RBM47: variants seen among roughly 807,000 people sequenced by gnomAD.
RBM47 encodes RNA-binding protein 47.
A neutral mutation model predicts 47.1 loss-of-function variants in RBM47; 21 were observed. The ratio of observed to expected loss-of-function variants is 0.45; its 90% confidence interval spans 0.32 to 0.64. The LOEUF is 0.64. Among genes scored for constraint, RBM47 ranks in the 30% least tolerant of loss-of-function variants. The probability of loss-of-function intolerance (pLI) is 0.05; values close to 1 mark genes in which losing one functional copy is unlikely to be tolerated. For synonymous variants in RBM47, 375 were observed against 361.7 expected (o/e 1.04, Z -0.42); for missense variants, 708 against 870.9 (o/e 0.81, Z 2.35).
At chr4:40,620,218 A>C (rs1434182748) in intron 1 of RBM47, among the ~76,000 whole-genome samples, 3 of 140,892 alleles carry the variant, frequency 2.1e-5, no homozygotes, top group Non-Finnish European at 3.1e-5. Context: ...AAAAAAAAAA[A>C]AACTCTGGGC....
intron 1 of RBM47, among the ~76,000 whole-genome samples, chr4:40,548,346 G>GA (rs1349780422): frequency 2.6e-5 from 4 of 152,210 alleles, no homozygotes; most frequent in Non-Finnish European, 5.9e-5. Flanking sequence ...GGGCAGGGGA[G>GA]AGCAACAGGA....
At chr4:40,533,438 GAAAA>G (rs1299731307) in intron 2 of RBM47, among the ~76,000 whole-genome samples, 1 of 62,072 alleles carries the variant, frequency 1.6e-5, no homozygotes, top group Non-Finnish European at 3.5e-5. Context: ...TGTCTCAAAA[GAAAA>G]AAAAAAAAAA....
At chr4:40,499,958 T>G (rs1053488955) in intron 2 of RBM47, among the ~76,000 whole-genome samples, 2 of 152,248 alleles carry the variant, frequency 1.3e-5, no homozygotes, top group Admixed American at 6.5e-5. Flanking sequence ...AAAACACCTT[T>G]GTATTTGGGG....
In RBM47 at chr4:40,490,249, C is replaced by T. The variant is rs1257657433; in HGVS notation, c.-154-23550G>A. 2.0e-5 allele frequency among the ~76,000 whole-genome samples: 3 copies of T among 150,782 alleles called. 1 individual carries two copies. Among genetic ancestry groups the T allele is most frequent in the Admixed American group, 2.0e-4 (3 of 15,106 alleles). On this transcript the variant is annotated intron_variant, in intron 2 of 6. Transcript: ENST00000295971. The stretch of plus-strand genomic sequence containing the variant: ...TTTGCACTCTCTCAACTTCTATATG[C>T]AACATTGTACTTGTTTCTAGCCAGG...
chr4:40,572,812 C>G (rs921178978), intron 1 of RBM47, among the ~76,000 whole-genome samples: 1 of 151,710 alleles, frequency 6.6e-6, no homozygotes, highest in Non-Finnish European at 1.5e-5. Flanking sequence ...TGTGAGCCTC[C>G]TTGTTTATTC....
At chr4:40,511,659 G>A (rs1724943533) in intron 2 of RBM47, among the ~76,000 whole-genome samples, 1 of 152,138 alleles carries the variant, frequency 6.6e-6, no homozygotes, top group African/African-American at 2.4e-5. Flanking sequence ...AATTCCTCAT[G>A]GAAATACTAA....
chr4:40,604,908 G>T (rs1232274974), intron 1 of RBM47, among the ~76,000 whole-genome samples: 1 of 152,044 alleles, frequency 6.6e-6, no homozygotes, highest in African/African-American at 2.4e-5. Flanking sequence ...GTAGAGACGG[G>T]GTTTCACCAT....
intron 5 of RBM47, 152 bp from the exon 6 acceptor site, chr4:40,433,014 G>A (rs1711593248): frequency 1.7e-6 from 2 of 1,171,592 alleles, no homozygotes; most frequent in African/African-American, 1.6e-5. Context: ...AGGCTGGAAT[G>A]CAGTGGTGCG....
At chr4:40,481,486 A>ATTATTT (rs781338110) in intron 2 of RBM47, among the ~76,000 whole-genome samples, 14 of 106,814 alleles carry the variant, frequency 1.3e-4, no homozygotes, top group Admixed American at 1.9e-4. Flanking sequence ...TATTATTATT[A>ATTATTT]TTTTTATTTT....
intron 3 of RBM47, among the ~76,000 whole-genome samples, chr4:40,440,086 T>A (rs1713390577): frequency 6.6e-6 from 1 of 152,220 alleles, no homozygotes; most frequent in South Asian, 2.1e-4. Context: ...ATAAGATTAT[T>A]ACGATGAGCT....
At position 40,432,764 on chromosome 4, in the gene RBM47, T is replaced by C. The variant is rs535470903; in HGVS notation, c.1429A>G (p.Ile477Val). ...DGKIHTVEHM[I>V]SPIAVQPDPA... ...TCTGGCTGCACAGCAATGGGGCTGA[T>C]CATGTGCTCCACTGTGTGGATTTTG... is the stretch of plus-strand genomic sequence containing the variant. Residue 477 changes from isoleucine (I) to valine (V), a missense_variant, in exon 6 of 7, where the codon ATC becomes GTC. By Grantham distance (29) the Ile-to-Val change is conservative. Transcript: ENST00000295971. The C allele has an allele frequency of 1.8e-4, 288 of 1,613,428 alleles. 2 individuals are homozygous for C. The South Asian group carries it at 3.0e-3, about 17-fold the overall frequency.
chr4:40,481,629 G>A lies in RBM47; in HGVS notation c.-154-14930C>T, dbSNP rs548717063. On this transcript the variant is annotated intron_variant, in intron 2 of 6. Coordinates refer to ENST00000295971, the MANE Select transcript of RBM47 (RefSeq NM_001098634.2). ...TGCAGTGGCATGATCTCAGCTCACT[G>A]CAACCTCTGCCTCCCAGGTTCAAGC... Among the ~76,000 whole-genome samples, 26 of 150,206 alleles carry A rather than the reference G, an allele frequency of 1.7e-4. No individual in the cohort carries two copies. In the East Asian group the frequency reaches 5.1e-3, roughly 29 times the overall value.
intron 1 of RBM47, among the ~76,000 whole-genome samples, chr4:40,562,414 G>A (rs1488512872): frequency 6.6e-6 from 1 of 151,900 alleles, no homozygotes; most frequent in Non-Finnish European, 1.5e-5. Flanking sequence ...AGACTAAGGA[G>A]GCGGGTGTCA....
At chr4:40,493,644 C>T (rs769960795) in intron 2 of RBM47, among the ~76,000 whole-genome samples, 3 of 151,820 alleles carry the variant, frequency 2.0e-5, no homozygotes, top group Admixed American at 6.6e-5. Context: ...ATTAGCCAGG[C>T]GTGGTGGTGG....
At chr4:40,605,819 G>A (rs1237141449) in intron 1 of RBM47, among the ~76,000 whole-genome samples, 3 of 150,348 alleles carry the variant, frequency 2.0e-5, no homozygotes, top group Non-Finnish European at 3.0e-5. Flanking sequence ...CAAGGGGAGC[G>A]AGACTCCATC....
At chr4:40,575,552 C>CAAAAAAAAAAAAAAAAAAAAAAAAAAAAA in intron 1 of RBM47, among the ~76,000 whole-genome samples, 1 of 98,364 alleles carries the variant, frequency 1.0e-5, no homozygotes, top group Non-Finnish European at 2.2e-5. Flanking sequence ...AACTCCATCT[C>CAAAAAAAAAAAAAAAAAAAAAAAAAAAAA]AAAAAAAAAA....
At chr4:40,471,791 C>T (rs1393001714) in intron 2 of RBM47, among the ~76,000 whole-genome samples, 2 of 152,040 alleles carry the variant, frequency 1.3e-5, no homozygotes, top group Non-Finnish European at 2.9e-5. Context: ...CTTTGTAAGG[C>T]TTGTAAGGCC....
At chr4:40,435,894 C>G (rs563230073) in intron 5 of RBM47, among the ~76,000 whole-genome samples, 15 of 151,688 alleles carry the variant, frequency 9.9e-5, no homozygotes, top group African/African-American at 3.4e-4. Flanking sequence ...CGCAGTGGCT[C>G]ACTCCTCTAA....
intron 2 of RBM47, chr4:40,491,632 A>G (rs1054473543): frequency 1.9e-5 from 3 of 154,282 alleles, no homozygotes; most frequent in Non-Finnish European, 4.3e-5. Context: ...CTACAACTCA[A>G]TAATGAATAA....
Sources: allele counts gnomAD v4.1 joint callset (sites outside exome capture counted in the v4.1 genomes callset), GRCh38; gene constraint gnomAD v4.1.1; transcripts MANE v1.5; gene names NCBI Gene and HGNC (gene_info 2026-07-23, HGNC 2026-07-21).